Variants in CYTIP observed in about 807,000 individuals in gnomAD.
CYTIP encodes cytohesin-interacting protein.
In CYTIP, 26 loss-of-function variants were observed where a neutral mutation model predicts 43.8. That is an observed-to-expected ratio of 0.59 (90% CI 0.44 to 0.82). The LOEUF is 0.82. Among genes scored for constraint, CYTIP ranks in the 40% least tolerant of loss-of-function variants. CYTIP has a pLI of 0.00. For synonymous variants in CYTIP, 162 were observed against 162.9 expected (o/e 0.99, Z 0.04); for missense variants, 426 against 443.1 (o/e 0.96, Z 0.35).
Position 157,415,266 on chromosome 2 carries a change from G to C in CYTIP, c.*411C>G, listed in dbSNP as rs1367947378. Reference sequence around the variant, plus strand: ...AGCTACTGGGCATAAGCAAACCTAAGATTTTATAACCCAGCAATTATCCTA... The same window carrying C: ...AGCTACTGGGCATAAGCAAACCTAACATTTTATAACCCAGCAATTATCCTA... On this transcript the variant is annotated 3_prime_UTR_variant, in exon 8 of 8. Transcript: ENST00000264192. 1 of 162,666 alleles carries C rather than the reference G, an allele frequency of 6.1e-6. No homozygotes were observed. The highest frequency in any genetic ancestry group is 1.4e-5 in the Non-Finnish European group (1 of 73,744). The allele number at this position is 162,666 out of a possible 1,614,324, so 10.1% of individuals were successfully genotyped here. A position where few individuals can be genotyped will look rare whatever the true frequency, so the allele number is the denominator to read the frequency against.
At chr2:157,437,413 A>G (rs1313588253) in intron 1 of CYTIP, among the ~76,000 whole-genome samples, 1 of 152,132 alleles carries the variant, frequency 6.6e-6, no homozygotes, top group Non-Finnish European at 1.5e-5. Flanking sequence ...AAAGGAAGCT[A>G]TACAAGACTG....
intron 7 of CYTIP, among the ~76,000 whole-genome samples, chr2:157,417,337 T>A (rs1440149188): frequency 6.6e-6 from 1 of 152,162 alleles, no homozygotes; most frequent in Non-Finnish European, 1.5e-5. Context: ...TTACTATACA[T>A]CTAGAAAAAG....
chr2:157,442,501 T>A (rs1411421654), intron 1 of CYTIP, among the ~76,000 whole-genome samples: 1 of 151,152 alleles, frequency 6.6e-6, no homozygotes, highest in Non-Finnish European at 1.5e-5. Context: ...CATAGCCTAA[T>A]CAAGTGAACC....
intron 4 of CYTIP, 27 bp downstream of exon 4, chr2:157,430,833 C>A: frequency 1.3e-6 from 2 of 1,583,854 alleles, no homozygotes; most frequent in Non-Finnish European, 1.7e-6. Flanking sequence ...TTAAATGATT[C>A]CTAACATGAG....
chr2:157,422,171 C>A (rs1406502330), intron 6 of CYTIP, among the ~76,000 whole-genome samples: 1 of 152,094 alleles, frequency 6.6e-6, no homozygotes, highest in Non-Finnish European at 1.5e-5. Context: ...GCACGGAAGC[C>A]CCCAGACCTG....
Position 157,415,622 on chromosome 2 carries a change from G to T in CYTIP, c.*55C>A. ...CACTTTCCCACCAAGCTGGGATCTG[G>T]GTGAGTCTAGAGATATTTGTGAAAT... On this transcript the variant is annotated 3_prime_UTR_variant, in exon 8 of 8. Coordinates refer to ENST00000264192, the MANE Select transcript of CYTIP (RefSeq NM_004288.5). The T allele has an allele frequency of 8.0e-7, 1 of 1,249,128 alleles. No individual in the cohort carries two copies. The highest frequency in any genetic ancestry group is 1.1e-6 in the Non-Finnish European group (1 of 881,624). The allele number at this position is 1,249,128 out of a possible 1,614,324, so 77.4% of individuals were successfully genotyped here. A position where few individuals can be genotyped will look rare whatever the true frequency, so the allele number is the denominator to read the frequency against.
chr2:157,418,669 G>T, intron 6 of CYTIP, 80 bp from the exon 7 acceptor site: 1 of 1,307,954 alleles, frequency 7.6e-7, no homozygotes, highest in Non-Finnish European at 1.0e-6. Flanking sequence ...TCTAGGTGTT[G>T]AGATTTGTCA....
chr2:157,423,873 T>C (rs1047184777), intron 6 of CYTIP, among the ~76,000 whole-genome samples: 2 of 152,116 alleles, frequency 1.3e-5, no homozygotes, highest in Admixed American at 6.5e-5. Flanking sequence ...ATTGACAGAA[T>C]TTTTTCAAAT....
chr2:157,421,305 G>T (rs944392834), intron 6 of CYTIP, among the ~76,000 whole-genome samples: 26 of 152,336 alleles, frequency 1.7e-4, no homozygotes, highest in African/African-American at 6.3e-4. Flanking sequence ...ATGGTTGAAT[G>T]AATACGTGAA....
intron 1 of CYTIP, among the ~76,000 whole-genome samples, chr2:157,437,711 A>AG (rs1200557588): frequency 7.3e-6 from 1 of 137,694 alleles, no homozygotes; most frequent in Non-Finnish European, 1.6e-5. Flanking sequence ...AAAAAAAAAG[A>AG]AAAAAAAAAA....
intron 1 of CYTIP, 91 bp from the exon 2 acceptor site, chr2:157,434,838 CT>C (rs1685783854): frequency 2.1e-6 from 1 of 482,958 alleles, no homozygotes; most frequent in African/African-American, 2.5e-5. Flanking sequence ...CTCTCTCTCT[CT>C]CTCTCTCTCT....
At position 157,434,089 on chromosome 2, in the gene CYTIP, G is replaced by C. The variant is rs16841766; in HGVS notation, c.279+281C>G. On this transcript the variant is annotated intron_variant, in intron 3 of 7. Coordinates refer to ENST00000264192, the MANE Select transcript of CYTIP (RefSeq NM_004288.5). ...TCACTCTCTTATCTAAGACCTAGCT[G>C]ATACCAACCTAGCTGATCAGTCTGG... The C allele has an allele frequency of 0.057, 27,031 of 476,854 alleles. 1,089 individuals are homozygous for C. Among genetic ancestry groups the C allele is most frequent in the Admixed American group, 0.12 (3,166 of 25,336 alleles). The allele number at this position is 476,854 out of a possible 1,614,324, so 29.5% of individuals were successfully genotyped here. A position where few individuals can be genotyped will look rare whatever the true frequency, so the allele number is the denominator to read the frequency against.
chr2:157,428,610 C>T (rs1045893017), intron 5 of CYTIP, among the ~76,000 whole-genome samples: 1 of 152,176 alleles, frequency 6.6e-6, no homozygotes, highest in Non-Finnish European at 1.5e-5. Context: ...CCAACAGTTA[C>T]CTCCATCTAC....
intron 6 of CYTIP, among the ~76,000 whole-genome samples, chr2:157,426,937 A>G (rs1427793785): frequency 6.6e-6 from 1 of 152,202 alleles, no homozygotes; most frequent in African/African-American, 2.4e-5. Flanking sequence ...TTTTCGTTTT[A>G]AGGATGAGGC....
At chr2:157,420,211 A>G (rs534538077) in intron 6 of CYTIP, among the ~76,000 whole-genome samples, 89 of 152,204 alleles carry the variant, frequency 5.8e-4, no homozygotes, top group African/African-American at 2.1e-3. Context: ...GGTGGTGCAC[A>G]CCAGTTCTTA....
chr2:157,441,598 GCACATACA>G (rs768280374), intron 1 of CYTIP, among the ~76,000 whole-genome samples: 4 of 58,878 alleles, frequency 6.8e-5, no homozygotes, highest in Non-Finnish European at 9.4e-5. Flanking sequence ...ATGTATATAT[GCACATACA>G]CACACACACA....
At chr2:157,422,698 CAAAAAAGACTTTA>C (rs1685541230) in intron 6 of CYTIP, among the ~76,000 whole-genome samples, 1 of 149,194 alleles carries the variant, frequency 6.7e-6, no homozygotes, top group South Asian at 2.1e-4. Context: ...GAAAAGTGTC[CAAAAAAGACTTTA>C]AAATAAGAAT....
At chr2:157,427,460 T>G in intron 5 of CYTIP, 40 bp from the exon 6 acceptor site, 1 of 1,413,586 alleles carries the variant, frequency 7.1e-7, no homozygotes, top group Non-Finnish European at 9.7e-7. Flanking sequence ...AGGTGGGGAG[T>G]GAGTAACATG....
In CYTIP at chr2:157,427,513, T is replaced by A. The variant is rs16841736; in HGVS notation, c.477-93A>T. 1,156 of 858,412 alleles carry A rather than the reference T, an allele frequency of 1.3e-3. 17 individuals carry two copies. The African/African-American group carries it at 0.018, about 14-fold the overall frequency. 53.2% of individuals were successfully genotyped at this position (858,412 alleles called of 1,614,324 possible). On this transcript the variant is annotated intron_variant, in intron 5 of 7. Transcript: ENST00000264192. Reference sequence around the variant, plus strand: ...AGTACCATACTACAGAGTACTACACTTTGAGCACATACTATACTAAAAACG... The same window carrying A: ...AGTACCATACTACAGAGTACTACACATTGAGCACATACTATACTAAAAACG...
Sources: gnomAD v4.1 joint callset for allele counts (sites outside exome capture counted in the v4.1 genomes callset) on GRCh38, gnomAD v4.1.1 for gene constraint, MANE v1.5 for transcripts, NCBI Gene and HGNC (gene_info 2026-07-23, HGNC 2026-07-21) for gene names.